The following TOGARAM1 variants were observed in gnomAD, a reference collection of about 807,000 sequenced individuals.
The protein encoded by TOGARAM1 is TOG array regulator of axonemal microtubules protein 1.
A neutral mutation model predicts 166.6 loss-of-function variants in TOGARAM1; 100 were observed. The ratio of observed to expected loss-of-function variants is 0.60; its 90% CI spans 0.51 to 0.71. TOGARAM1 has a LOEUF of 0.71. TOGARAM1 is among the 30% of genes least tolerant of loss of function. The pLI, the probability that TOGARAM1 is intolerant of heterozygous loss-of-function variation, is 0.00. For synonymous variants in TOGARAM1, 758 were observed against 763.8 expected (o/e 0.99, Z 0.13); for missense variants, 2,029 against 2,102.7 (o/e 0.96, Z 0.69).
At chr14:45,039,261 T>C (rs1406119185) in intron 11 of TOGARAM1, among the ~76,000 whole-genome samples, 4 of 152,142 alleles carry the variant, frequency 2.6e-5, no homozygotes, top group Admixed American at 1.3e-4. Context: ...GAGTCCAGGA[T>C]TTTTATGGGC....
chr14:44,992,072 TAAAAAAAAAAAAAAAAAA>T (rs71108676), intron 1 of TOGARAM1, among the ~76,000 whole-genome samples: 1 of 37,950 alleles, frequency 2.6e-5, no homozygotes, highest in African/African-American at 8.4e-5. Flanking sequence ...CCCTGTCTGT[TAAAAAAAAAAAAAAAAAA>T]AAAAAAAAAA....
chr14:44,999,833 A>G lies in TOGARAM1; in HGVS notation c.2338+336A>G, dbSNP rs551001429. ...TAATGATCAAATTAGGCTATTTAGG[A>G]TATGCATCACCTGAAACATTTGTCA... On this transcript the variant is annotated intron_variant, in intron 3 of 19. Coordinates refer to ENST00000361462, the MANE Select transcript of TOGARAM1 (RefSeq NM_001308120.2). Among the ~76,000 whole-genome samples, 16 of 152,250 alleles carry G rather than the reference A, an allele frequency of 1.1e-4. No homozygotes were observed. In the Middle Eastern group the frequency reaches 0.01, roughly 97 times the overall value.
At position 45,004,050 on chromosome 14, in the gene TOGARAM1, T is replaced by C. The variant is rs1887821209; in HGVS notation, c.2339-11T>C. On this transcript the variant is annotated splice_polypyrimidine_tract_variant and intron_variant, in intron 3 of 19. Coordinates refer to ENST00000361462, the MANE Select transcript of TOGARAM1 (RefSeq NM_001308120.2). Reference sequence around the variant, plus strand: ...TACATAAATAATATATTATCTTTTGTTTTATTACAGTGTATGCTAGCCTCA... The same window carrying C: ...TACATAAATAATATATTATCTTTTGCTTTATTACAGTGTATGCTAGCCTCA... The C allele has an allele frequency of 6.2e-7, 1 of 1,601,714 alleles. No individual in the cohort carries two copies. The highest frequency in any genetic ancestry group is 1.1e-5 in the South Asian group (1 of 89,572).
chr14:44,967,874 A>G lies in TOGARAM1; in HGVS notation c.2046+3407A>G, dbSNP rs78203513. On this transcript the variant is annotated intron_variant, in intron 1 of 19. Transcript: ENST00000361462. The stretch of plus-strand genomic sequence containing the variant: ...TGGAAATAATTTTCAGATTTATATA[A>G]TCTGGTTATATGTTATTTCCTTGTA... 2.4e-4 allele frequency among the ~76,000 whole-genome samples: 37 copies of G among 152,332 alleles called. No homozygotes were observed. The East Asian group carries it at 7.1e-3, about 29-fold the overall frequency.
chr14:45,046,788 C>A, intron 14 of TOGARAM1, 85 bp downstream of exon 14: 3 of 1,129,928 alleles, frequency 2.7e-6, no homozygotes, highest in Non-Finnish European at 1.1e-6. Flanking sequence ...GAAGAATGAA[C>A]ATTTTCTAAA....
intron 7 of TOGARAM1, among the ~76,000 whole-genome samples, chr14:45,020,609 A>G (rs1196360805): frequency 1.3e-5 from 2 of 151,734 alleles, no homozygotes; most frequent in Non-Finnish European, 1.5e-5. Context: ...GTAGATGGTC[A>G]TAGGGTGCAC....
At chr14:44,980,060 C>G (rs1886445863) in intron 1 of TOGARAM1, among the ~76,000 whole-genome samples, 1 of 152,178 alleles carries the variant, frequency 6.6e-6, no homozygotes, top group Non-Finnish European at 1.5e-5. Flanking sequence ...CTGGCCTCCT[C>G]TGTAGTCTTA....
intron 1 of TOGARAM1, among the ~76,000 whole-genome samples, chr14:44,987,556 T>C (rs1291323047): frequency 7.9e-5 from 12 of 151,776 alleles, no homozygotes; most frequent in Non-Finnish European, 1.8e-4. Context: ...CACAATGAGA[T>C]ACCATCTCAC....
Position 45,054,541 on chromosome 14 carries a change from A to G in TOGARAM1, c.4551A>G (p.Ser1517=). The change falls in exon 16 of 20, where the codon TCA becomes TCG. Residue 1517 remains serine, a synonymous_variant. Transcript: ENST00000361462. The part of the protein sequence containing the change: ...SSSVSRDAFN[S]AERAVTEVRE... ...CTGTTTCTAGAGATGCTTTCAATTC[A>G]GCTGAAAGGTAAGATGATGTAATAG... is the stretch of plus-strand genomic sequence containing the variant. 3 of 1,601,598 alleles carry G rather than the reference A, an allele frequency of 1.9e-6. No individual in the cohort carries two copies. The highest frequency in any genetic ancestry group is 2.6e-6 in the Non-Finnish European group (3 of 1,169,328).
intron 7 of TOGARAM1, among the ~76,000 whole-genome samples, chr14:45,014,327 A>T (rs1027897986): frequency 6.6e-6 from 1 of 152,102 alleles, no homozygotes. Context: ...CCTTGAGTGC[A>T]TGTAACATCT....
chr14:44,999,120 A>G (rs2138820519), intron 2 of TOGARAM1, among the ~76,000 whole-genome samples: 1 of 152,238 alleles, frequency 6.6e-6, no homozygotes, highest in South Asian at 2.1e-4. Flanking sequence ...TTTTGCAGAT[A>G]TTCTTCAACA....
intron 3 of TOGARAM1, among the ~76,000 whole-genome samples, 165 bp from the exon 4 acceptor site, chr14:45,003,895 GA>G (rs1268116088): frequency 7.2e-6 from 1 of 138,678 alleles, no homozygotes; most frequent in East Asian, 2.2e-4. Context: ...AGAAGATACA[GA>G]ATATTTGAAT....
chr14:45,017,621 C>T (rs531613726), intron 7 of TOGARAM1, among the ~76,000 whole-genome samples: 5 of 152,278 alleles, frequency 3.3e-5, no homozygotes, highest in East Asian at 1.9e-4. Flanking sequence ...TGGTGGCTCA[C>T]GCCTGTAATC....
At chr14:45,023,172 T>A (rs1880624952) in intron 7 of TOGARAM1, among the ~76,000 whole-genome samples, 4 of 152,136 alleles carry the variant, frequency 2.6e-5, no homozygotes, top group Non-Finnish European at 5.9e-5. Context: ...CTTCCATCAG[T>A]ATACAAGTTG....
At chr14:45,055,793 TC>T (rs1228084208) in intron 16 of TOGARAM1, among the ~76,000 whole-genome samples, 34 of 104,682 alleles carry the variant, frequency 3.2e-4, no homozygotes, top group Admixed American at 1.3e-3. Context: ...AGAGTGAGAC[TC>T]CATCTCAAAA....
chr14:45,046,148 T>A (rs945720128), intron 13 of TOGARAM1, among the ~76,000 whole-genome samples: 1 of 143,296 alleles, frequency 7.0e-6, no homozygotes, highest in Non-Finnish European at 1.5e-5. Context: ...TTAAGATAGA[T>A]CTTAGCCTCA....
rs753280068 is a variant in TOGARAM1, at chr14:45,068,451, C to A, written c.4777C>A (p.His1593Asn). The A allele has an allele frequency of 6.2e-7, 1 of 1,609,400 alleles. No homozygotes were observed. Among genetic ancestry groups the A allele is most frequent in the South Asian group, 1.1e-5 (1 of 89,376 alleles). ...KIFDAFKSRL[H>N]DSNSKVNLVA... Reference sequence around the variant, plus strand: ...TTTTGATGCTTTTAAATCTCGACTTCATGATTCTAATAGTAAAGTAAATCT... The same window carrying A: ...TTTTGATGCTTTTAAATCTCGACTTAATGATTCTAATAGTAAAGTAAATCT... Residue 1593 changes from histidine to asparagine, a missense_variant, in exon 18 of 20, where the codon CAT becomes AAT. By Grantham distance (68) the His-to-Asn change is moderately conservative (BLOSUM62 1). Coordinates refer to ENST00000361462, the MANE Select transcript of TOGARAM1 (RefSeq NM_001308120.2).
At position 45,072,423 on chromosome 14, in the gene TOGARAM1, C is replaced by CT. The variant is rs1036372401; in HGVS notation, c.5056+639dup. Among the ~76,000 whole-genome samples the CT allele has an allele frequency of 6.7e-3, 961 of 143,654 alleles. 5 individuals are homozygous for CT. Among genetic ancestry groups the CT allele is most frequent in the African/African-American group, 0.018 (712 of 39,348 alleles). 94.2% of individuals were successfully genotyped at this position (143,654 alleles called of 152,430 possible). On this transcript the variant is annotated intron_variant, in intron 19 of 19. Coordinates refer to ENST00000361462, the MANE Select transcript of TOGARAM1 (RefSeq NM_001308120.2). ...TTGTCTCAAGACGGAGTCTCTGGAA[C>CT]TTTTTTTTTTTTTTAATGTTTGAGA...
chr14:44,972,134 CCT>C (rs1566598308), intron 1 of TOGARAM1, among the ~76,000 whole-genome samples: 1 of 152,096 alleles, frequency 6.6e-6, no homozygotes, highest in Non-Finnish European at 1.5e-5. Flanking sequence ...CCCAGCAACC[CCT>C]CTTTCAACAT....
Sources: gnomAD v4.1 joint callset for allele counts (sites outside exome capture counted in the v4.1 genomes callset) on GRCh38, gnomAD v4.1.1 for gene constraint, MANE v1.5 for transcripts, NCBI Gene and HGNC (gene_info 2026-07-23, HGNC 2026-07-21) for gene names.